C5: variants seen among roughly 807,000 people sequenced by gnomAD.
C5 encodes complement C5.
A neutral mutation model predicts 218.8 loss-of-function variants in C5; 140 were observed. The observed-to-expected ratio is 0.64, with a 90% confidence interval of 0.56 to 0.74. C5 has a LOEUF of 0.74. Among genes scored for constraint, C5 ranks in the 30% least tolerant of loss-of-function variants. The pLI, the probability that C5 is intolerant of heterozygous loss-of-function variation, is 0.00. For synonymous variants in C5, 614 were observed against 682.3 expected, an observed-to-expected ratio of 0.90 and a Z score of 1.56; for missense variants, 1,700 against 1,969.6, an observed-to-expected ratio of 0.86 and a Z score of 2.59.
At chr9:121,051,374 T>C (rs2047670087), upstream of C5, among the ~76,000 whole-genome samples, 1 of 152,196 alleles carries the variant, frequency 6.6e-6, no homozygotes. Flanking sequence ...TCCACCCACC[T>C]TGGCCTCCCA....
At chr9:121,066,080 C>T in the C5 span, among the ~76,000 whole-genome samples, 62 of 151,618 alleles carry the variant, frequency 4.1e-4, no homozygotes, top group African/African-American at 8.9e-4. Flanking sequence ...TTTGGGAGGC[C>T]GAGGCAGGCA....
intron 3 of C5, among the ~76,000 whole-genome samples, chr9:121,039,774 G>A (rs1254564037): frequency 4.6e-5 from 7 of 151,946 alleles, no homozygotes; most frequent in African/African-American, 9.7e-5. Flanking sequence ...TCAGCCTCCC[G>A]AGTAGCTGGG....
intron 25 of C5, among the ~76,000 whole-genome samples, chr9:120,986,543 GA>G (rs1341406964): frequency 6.7e-6 from 1 of 150,132 alleles, no homozygotes; most frequent in Non-Finnish European, 1.5e-5. Flanking sequence ...GGAACTCATG[GA>G]GTTGGGTGTA....
At position 120,980,152 on chromosome 9, in the gene C5, G is replaced by T. The variant is rs777845383; in HGVS notation, c.3589C>A (p.Leu1197Met). ...AACTGTGGGTGAGTTTTATCTCCCA[G>T]GGAAAGAGCATACGCAGAAATGGCC... Reference protein sequence around the residue: ...TLAISAYALSLGDKTHPQFRS... With the variant: ...TLAISAYALSMGDKTHPQFRS... Residue 1197 changes from leucine (L) to methionine (M), a missense_variant, in exon 28 of 41, where the codon CTG (leucine) becomes ATG (methionine). Leu to Met is a conservative substitution (Grantham distance 15). Transcript: ENST00000223642. The T allele has an allele frequency of 6.2e-7, 1 of 1,614,062 alleles. No homozygotes were observed. Among genetic ancestry groups the T allele is most frequent in the East Asian group, 2.2e-5 (1 of 44,868 alleles).
chr9:121,072,571 C>T, the C5 span, among the ~76,000 whole-genome samples: 1 of 152,046 alleles, frequency 6.6e-6, no homozygotes, highest in Non-Finnish European at 1.5e-5. Flanking sequence ...CTTTGGGAGG[C>T]CGAGGCGGGC....
At chr9:121,005,831 C>G in intron 20 of C5, 88 bp downstream of exon 20, 1 of 1,379,078 alleles carries the variant, frequency 7.3e-7, no homozygotes, top group Non-Finnish European at 1.0e-6. Context: ...TGAACTTCTA[C>G]TTTTTTGTGT....
intron 15 of C5, 87 bp from the exon 16 acceptor site, chr9:121,015,348 T>G: frequency 1.2e-6 from 1 of 838,836 alleles, no homozygotes; most frequent in Non-Finnish European, 2.0e-6. Context: ...TTTAAGTATT[T>G]AGAGCCTTCA....
intron 23 of C5, among the ~76,000 whole-genome samples, chr9:120,990,389 C>T (rs1033201530): frequency 2.0e-5 from 3 of 152,100 alleles, no homozygotes; most frequent in African/African-American, 4.8e-5. Context: ...CAAATGTATG[C>T]GAGGGGAGGA....
At chr9:120,990,069 TTAGC>T (rs2047065844) in intron 23 of C5, among the ~76,000 whole-genome samples, 7 of 152,222 alleles carry the variant, frequency 4.6e-5, no homozygotes, top group Admixed American at 3.9e-4. Context: ...ATTCAACCTG[TTAGC>T]TTTAGACATT....
At chr9:121,067,435 G>A in the C5 span, among the ~76,000 whole-genome samples, 16 of 151,610 alleles carry the variant, frequency 1.1e-4, no homozygotes, top group South Asian at 6.3e-4. Context: ...GTGGTGGTGC[G>A]TGCCCATAGT....
the C5 span, among the ~76,000 whole-genome samples, chr9:121,069,707 TCTCA>T: frequency 6.6e-6 from 1 of 151,872 alleles, no homozygotes; most frequent in Admixed American, 6.6e-5. Context: ...AGAGATGAGG[TCTCA>T]CTATCTTCTC....
At chr9:120,970,946 C>T (rs897935552) in intron 31 of C5, among the ~76,000 whole-genome samples, 7 of 151,934 alleles carry the variant, frequency 4.6e-5, no homozygotes, top group South Asian at 2.1e-4. Flanking sequence ...TCAAGGTGGA[C>T]GGATCACTTG....
chr9:120,962,681 G>A lies in C5; in HGVS notation c.4494C>T (p.Tyr1498=). 6.2e-7 allele frequency: 1 copy of A among 1,606,434 alleles called. No individual in the cohort carries two copies. The change falls in exon 36 of 41, where the codon TAC becomes TAT. Residue 1498 remains tyrosine, a synonymous_variant. Transcript: ENST00000223642. ...CATGGAGTTGATTACCTGGTCTGTG[G>A]TATTCGTACACTGTGAAAGTGGCAG... The part of the protein sequence containing the change: ...LSPATFTVYE[Y]HRPDKQCTMF...
intron 31 of C5, among the ~76,000 whole-genome samples, chr9:120,971,176 A>G (rs1420398748): frequency 2.0e-5 from 3 of 150,908 alleles, no homozygotes; most frequent in South Asian, 2.1e-4. Context: ...CATCTCAAAA[A>G]AAAAAAAAAA....
upstream of C5, among the ~76,000 whole-genome samples, chr9:121,050,808 T>A (rs2047666168): frequency 6.6e-6 from 1 of 152,166 alleles, no homozygotes; most frequent in Non-Finnish European, 1.5e-5. Flanking sequence ...AATTGTTCCT[T>A]GGTCTGTCTC....
intron 1 of C5, among the ~76,000 whole-genome samples, chr9:121,048,527 C>T (rs928795772): frequency 6.6e-6 from 1 of 152,208 alleles, no homozygotes; most frequent in African/African-American, 2.4e-5. Flanking sequence ...CAATCCTGGT[C>T]CATGGAAACA....
rs767594750 is a variant in C5 at position 121,017,780 on chromosome 9, T to C, written c.1579A>G (p.Asn527Asp). The C allele has an allele frequency of 6.2e-7, 1 of 1,613,820 alleles. No homozygotes were observed. The highest frequency in any genetic ancestry group is 2.2e-5 in the East Asian group (1 of 44,872). ...KFSDASYQSI[N>D]IPVTQNMVPS... Reference sequence around the variant, plus strand: ...ACCATGTTCTGTGTTACTGGAATGTTTATACTTTGATAAGATGCATCTGAA... The same window carrying C: ...ACCATGTTCTGTGTTACTGGAATGTCTATACTTTGATAAGATGCATCTGAA... The change falls in exon 13 of 41, where the codon AAC becomes GAC. Residue 527 changes from asparagine (N) to aspartate (D), a missense_variant. Asn to Asp is a conservative substitution (Grantham distance 23, BLOSUM62 1). Transcript: ENST00000223642.
chr9:120,981,945 A>T lies in C5; in HGVS notation c.3391-6T>A. ...GCTTCAACAGGCAAGGTACCCTAAA[A>T]AGAAGCAATGTTTTAAAAGGGGAGT... On this transcript the variant is annotated splice_region_variant and splice_polypyrimidine_tract_variant and intron_variant, in intron 26 of 40. Transcript: ENST00000223642. The T allele has an allele frequency of 6.2e-7, 1 of 1,600,598 alleles. No homozygotes were observed. Among genetic ancestry groups the T allele is most frequent in the Non-Finnish European group, 8.6e-7 (1 of 1,167,824 alleles).
At chr9:120,971,842 T>G in intron 31 of C5, 88 bp downstream of exon 31, 1 of 982,442 alleles carries the variant, frequency 1.0e-6, no homozygotes, top group Admixed American at 1.8e-5. Flanking sequence ...CCCAGATTTC[T>G]GTGACTTTGT....
Sources: gnomAD v4.1 joint callset for allele counts (sites outside exome capture counted in the v4.1 genomes callset) on GRCh38, gnomAD v4.1.1 for gene constraint, MANE v1.5 for transcripts, NCBI Gene and HGNC (gene_info 2026-07-23, HGNC 2026-07-21) for gene names.